Variants in KIF1B observed in about 807,000 individuals in gnomAD.
KIF1B encodes the protein kinesin family member 1B, also known as kinesin-like protein KIF1B.
In KIF1B, 76 loss-of-function variants were observed where a neutral mutation model predicts 241.9. The ratio of observed to expected loss-of-function variants is 0.31; its 90% CI spans 0.26 to 0.38. KIF1B has a LOEUF of 0.38. KIF1B is among the 10% of genes least tolerant of loss of function. KIF1B has a pLI of 1.00. For missense variants in KIF1B, 1,622 were observed against 2,271.4 expected (o/e 0.71, Z 5.81); for synonymous variants, 750 against 796.7 (o/e 0.94, Z 0.99).
chr1:10,366,598 G>A (rs1407560016), intron 43 of KIF1B, among the ~76,000 whole-genome samples: 1 of 152,254 alleles, frequency 6.6e-6, no homozygotes, highest in African/African-American at 2.4e-5. Flanking sequence ...GTGGAGTGAA[G>A]AATCTTGTAT....
chr1:10,312,434 T>C (rs1431089946), intron 22 of KIF1B, among the ~76,000 whole-genome samples: 1 of 151,488 alleles, frequency 6.6e-6, no homozygotes, highest in Non-Finnish European at 1.5e-5. Flanking sequence ...CCACAGAGAA[T>C]AATGTTTTTA....
At chr1:10,226,938 C>T (rs1357111458) in intron 1 of KIF1B, among the ~76,000 whole-genome samples, 1 of 151,942 alleles carries the variant, frequency 6.6e-6, no homozygotes, top group Non-Finnish European at 1.5e-5. Flanking sequence ...ACTGCACTCC[C>T]CAGCCTGGGC....
At chr1:10,304,206 AG>A in intron 22 of KIF1B, 1 of 1,614,150 alleles carries the variant, frequency 6.2e-7, no homozygotes, top group East Asian at 2.2e-5. Flanking sequence ...GCCAAGAAAA[AG>A]GGGGTAAAGG....
chr1:10,308,332 T>G, intron 22 of KIF1B: 1 of 1,055,150 alleles, frequency 9.5e-7, no homozygotes, highest in Non-Finnish European at 1.1e-6. Context: ...TTTCCCAGAT[T>G]TTAAAATCTG....
chr1:10,227,260 C>T lies in KIF1B; in HGVS notation c.-79-4990C>T, dbSNP rs184393263. 3.9e-4 allele frequency among the ~76,000 whole-genome samples: 59 copies of T among 151,878 alleles called. No homozygotes were observed. The East Asian group carries it at 0.011, about 29-fold the overall frequency. On this transcript the variant is annotated intron_variant, in intron 1 of 48. Coordinates refer to ENST00000676179, the MANE Select transcript of KIF1B (RefSeq NM_001365951.3). Reference sequence around the variant, plus strand: ...ATGTTGACCAGGATGGTCTTGATTTCTTGACCTCGTGATCTACCCATCTCA... The same window carrying T: ...ATGTTGACCAGGATGGTCTTGATTTTTTGACCTCGTGATCTACCCATCTCA...
intron 17 of KIF1B, among the ~76,000 whole-genome samples, chr1:10,294,497 A>C (rs1030738540): frequency 3.3e-5 from 5 of 152,154 alleles, no homozygotes; most frequent in African/African-American, 1.2e-4. Context: ...CCGTTCAGAG[A>C]ATTGGCCTGT....
chr1:10,345,247 G>A (rs1165734613), intron 34 of KIF1B, among the ~76,000 whole-genome samples: 1 of 152,242 alleles, frequency 6.6e-6, no homozygotes, highest in Non-Finnish European at 1.5e-5. Flanking sequence ...AATGATACCA[G>A]TAGTTGGTTT....
chr1:10,376,089 C>T (rs1569934871), intron 48 of KIF1B, among the ~76,000 whole-genome samples: 2 of 152,026 alleles, frequency 1.3e-5, no homozygotes, highest in East Asian at 1.9e-4. Flanking sequence ...AAGCGTGAGC[C>T]ACCACATCTG....
intron 33 of KIF1B, 142 bp from the exon 34 acceptor site, chr1:10,343,090 C>G (rs1652459537): frequency 8.4e-6 from 7 of 829,362 alleles, no homozygotes; most frequent in Non-Finnish European, 1.2e-5. Context: ...TGTACTGTCA[C>G]AGAACTTTTA....
chr1:10,364,949 T>C, intron 41 of KIF1B, 151 bp from the exon 42 acceptor site: 1 of 583,762 alleles, frequency 1.7e-6, no homozygotes, highest in South Asian at 1.9e-5. Flanking sequence ...GAGCTTGCAG[T>C]GGGCTGAGAT....
chr1:10,331,165 A>T (rs1224074748), intron 27 of KIF1B, among the ~76,000 whole-genome samples: 1 of 151,674 alleles, frequency 6.6e-6, no homozygotes, highest in Non-Finnish European at 1.5e-5. Context: ...CAGGCAGGGG[A>T]CATGTGCGAT....
chr1:10,304,944 T>G, intron 22 of KIF1B: 1 of 1,204,864 alleles, frequency 8.3e-7, no homozygotes, highest in Non-Finnish European at 1.0e-6. Flanking sequence ...TTGTCCCATC[T>G]TGATGTAAGT....
intron 22 of KIF1B, chr1:10,304,392 C>T (rs774630347): frequency 1.6e-5 from 26 of 1,614,082 alleles, no homozygotes; most frequent in South Asian, 2.2e-5. Context: ...CATCTGCCTC[C>T]GCGGAGTCAT....
rs1477886701 is a variant in KIF1B at position 10,379,145 on chromosome 1, AGT to A, written c.*2562_*2563del. The A allele has an allele frequency of 3.0e-5, 7 of 232,198 alleles. No individual in the cohort carries two copies. Among genetic ancestry groups the A allele is most frequent in the African/African-American group, 1.3e-4 (6 of 45,256 alleles). 14.4% of individuals were successfully genotyped at this position (232,198 alleles called of 1,614,324 possible). ...TAAGTCATTGATGCTGCTGTTACAGAGTGTGACAGAGGATCCATGTCTGTGAC... is the reference window on the plus strand; with the variant it reads ...TAAGTCATTGATGCTGCTGTTACAGAGTGACAGAGGATCCATGTCTGTGAC... On this transcript the variant is annotated 3_prime_UTR_variant, in exon 49 of 49. Coordinates refer to ENST00000676179, the MANE Select transcript of KIF1B (RefSeq NM_001365951.3).
At chr1:10,373,616 A>G (rs77490491) in intron 45 of KIF1B, among the ~76,000 whole-genome samples, 126 of 152,320 alleles carry the variant, frequency 8.3e-4, no homozygotes, top group African/African-American at 2.8e-3. Context: ...ATACAATGCT[A>G]TGTTACTCTA....
chr1:10,255,285 G>A lies in KIF1B; in HGVS notation c.107-962G>A, dbSNP rs535274944. 3.9e-5 allele frequency among the ~76,000 whole-genome samples: 6 copies of A among 152,154 alleles called. No individual in the cohort carries two copies. In the South Asian group the frequency reaches 1.0e-3, roughly 26 times the overall value. On this transcript the variant is annotated intron_variant, in intron 2 of 48. Coordinates refer to ENST00000676179, the MANE Select transcript of KIF1B (RefSeq NM_001365951.3). Reference sequence around the variant, plus strand: ...GTGTTCCAATATTTCAGGGCTTAACGGGTGCCTTGAAATAGTAATGTGGGC... The same window carrying A: ...GTGTTCCAATATTTCAGGGCTTAACAGGTGCCTTGAAATAGTAATGTGGGC...
At chr1:10,349,615 A>G (rs1484823625) in intron 37 of KIF1B, among the ~76,000 whole-genome samples, 2 of 151,852 alleles carry the variant, frequency 1.3e-5, no homozygotes, top group Non-Finnish European at 2.9e-5. Flanking sequence ...TTCAAGAAAA[A>G]TTAGAGGGTT....
At chr1:10,358,697 A>AC (rs1054516538) in intron 38 of KIF1B, among the ~76,000 whole-genome samples, 24 of 151,852 alleles carry the variant, frequency 1.6e-4, no homozygotes, top group African/African-American at 5.6e-4. Flanking sequence ...AAAAAAAAAA[A>AC]AAAACAGATC....
intron 2 of KIF1B, among the ~76,000 whole-genome samples, chr1:10,255,489 C>A (rs1264611343): frequency 6.6e-6 from 1 of 152,064 alleles, no homozygotes; most frequent in Non-Finnish European, 1.5e-5. Context: ...ACTCAGGAGG[C>A]TGAGGCGGGA....
Sources: gnomAD v4.1 joint callset for allele counts (sites outside exome capture counted in the v4.1 genomes callset) on GRCh38, gnomAD v4.1.1 for gene constraint, MANE v1.5 for transcripts, NCBI Gene and HGNC (gene_info 2026-07-23, HGNC 2026-07-21) for gene names.